DNAJB4: variants seen among roughly 807,000 people sequenced by gnomAD.
DNAJB4 encodes the protein dnaJ homolog subfamily B member 4.
Under a neutral mutation model 26.6 loss-of-function variants are expected in DNAJB4, and 10 were observed. The ratio of observed to expected loss-of-function variants is 0.38; its 90% confidence interval spans 0.23 to 0.64. The LOEUF is 0.64. Among genes scored for constraint, DNAJB4 ranks in the 30% least tolerant of loss-of-function variants. The pLI is 0.58. For synonymous variants in DNAJB4, 136 were observed against 134.8 expected (o/e 1.01, Z -0.06); for missense variants, 328 against 408.2 (o/e 0.80, Z 1.69).
At chr1:77,983,162 A>G (rs887862704) in intron 1 of DNAJB4, among the ~76,000 whole-genome samples, 2 of 152,234 alleles carry the variant, frequency 1.3e-5, no homozygotes, top group Non-Finnish European at 2.9e-5. Context: ...GACAAGGTAA[A>G]GGATTAAGTG....
chr1:77,997,795 T>C (rs1254580405), intron 1 of DNAJB4, among the ~76,000 whole-genome samples: 1 of 152,064 alleles, frequency 6.6e-6, no homozygotes, highest in Non-Finnish European at 1.5e-5. Flanking sequence ...TTTTTTTTTC[T>C]TCTTTTCTTT....
At chr1:77,987,134 A>G (rs552473325) in intron 1 of DNAJB4, among the ~76,000 whole-genome samples, 3 of 152,204 alleles carry the variant, frequency 2.0e-5, no homozygotes, top group Non-Finnish European at 4.4e-5. Flanking sequence ...GAGAGGCCCC[A>G]CTTTCCTAGT....
At position 78,013,067 on chromosome 1, in the gene DNAJB4, A is replaced by C; in HGVS notation, c.228A>C (p.Ala76=). The C allele has an allele frequency of 6.2e-7, 1 of 1,608,606 alleles. No individual in the cohort carries two copies. The highest frequency in any genetic ancestry group is 2.2e-5 in the East Asian group (1 of 44,848). ...QFGEEGLKGG[A]GGTDGQGGTF... ...TTCAATTAGGGTTGAAAGGAGGAGC[A>C]GGAGGTACTGATGGACAAGGAGGTA... The change falls in exon 2 of 3, where the codon GCA becomes GCC. Residue 76 remains alanine, a synonymous_variant. Coordinates refer to ENST00000370763, the MANE Select transcript of DNAJB4 (RefSeq NM_007034.5).
chr1:78,004,305 A>G (rs1371911352), upstream of DNAJB4: 1 of 152,264 alleles, frequency 6.6e-6, no homozygotes, highest in African/African-American at 2.4e-5. Context: ...GAACTCATGT[A>G]TACTAGAAAT....
upstream of DNAJB4, among the ~76,000 whole-genome samples, chr1:78,000,215 A>G (rs1271018303): frequency 6.6e-6 from 1 of 152,184 alleles, no homozygotes; most frequent in African/African-American, 2.4e-5. Flanking sequence ...TCCTGGAAAA[A>G]AAATTTTCAA....
At chr1:77,990,559 C>G (rs183708209) in intron 1 of DNAJB4, among the ~76,000 whole-genome samples, 2 of 152,160 alleles carry the variant, frequency 1.3e-5, no homozygotes, top group South Asian at 4.1e-4. Flanking sequence ...TCTTATGCAG[C>G]AAAACTTACC....
intron 1 of DNAJB4, among the ~76,000 whole-genome samples, chr1:77,993,674 T>C (rs887683681): frequency 6.6e-6 from 1 of 152,230 alleles, no homozygotes; most frequent in Non-Finnish European, 1.5e-5. Context: ...TTATCCTTCA[T>C]GTTACATGTA....
At position 77,990,913 on chromosome 1, in the gene DNAJB4, C is replaced by T. The variant is rs143416461; in HGVS notation, c.-32+10591C>T. On this transcript the variant is annotated intron_variant, in intron 1 of 2. Coordinates refer to the DNAJB4 transcript ENST00000426517. ...TTATTGAACAGCAATATATTGTAAACGCCTTGTTCTAGAAATAAAACAGGA... is the reference window on the plus strand; with the variant it reads ...TTATTGAACAGCAATATATTGTAAATGCCTTGTTCTAGAAATAAAACAGGA... Among the ~76,000 whole-genome samples the T allele has an allele frequency of 1.4e-3, 211 of 152,304 alleles. 1 individual carries two copies. The highest frequency in any genetic ancestry group is 5.0e-3 in the African/African-American group (207 of 41,540).
At chr1:77,980,791 C>A (rs1174904378) in intron 1 of DNAJB4, among the ~76,000 whole-genome samples, 2 of 152,160 alleles carry the variant, frequency 1.3e-5, no homozygotes, top group Non-Finnish European at 2.9e-5. Context: ...GCCATCATTT[C>A]CCTTTAATCA....
At chr1:77,979,241 G>A, upstream of DNAJB4, 1 of 496,526 alleles carries the variant, frequency 2.0e-6, no homozygotes, top group South Asian at 3.1e-5. Context: ...TTAAGTTTAA[G>A]ACTTCGCGAG....
At chr1:78,006,993 A>AT (rs1660343891) in intron 1 of DNAJB4, among the ~76,000 whole-genome samples, 1 of 152,166 alleles carries the variant, frequency 6.6e-6, no homozygotes, top group Non-Finnish European at 1.5e-5. Context: ...TAGTAAGGAT[A>AT]TTTGTCTTCA....
In DNAJB4 at chr1:78,013,265, T is replaced by C; in HGVS notation, c.426T>C (p.Tyr142=). 6.2e-7 allele frequency: 1 copy of C among 1,614,076 alleles called. No homozygotes were observed. Among genetic ancestry groups the C allele is most frequent in the Non-Finnish European group, 8.5e-7 (1 of 1,179,974 alleles). The change falls in exon 2 of 3, where the codon TAT becomes TAC. Residue 142 remains tyrosine, a synonymous_variant. Transcript: ENST00000370763. ...CCTTTGGTTTCAGCATGAATGGATATCCAAGAGACAGGAATTCTGTGGGGC... is the reference window on the plus strand; with the variant it reads ...CCTTTGGTTTCAGCATGAATGGATACCCAAGAGACAGGAATTCTGTGGGGC... ...FSAFGFSMNG[Y]PRDRNSVGPS...
chr1:77,979,510 G>A (rs1383650915), upstream of DNAJB4: 1 of 154,696 alleles, frequency 6.5e-6, no homozygotes, highest in Non-Finnish European at 1.4e-5. Flanking sequence ...ACAGTGTCTC[G>A]AGAGCGCTGC....
At chr1:77,988,656 A>G (rs1659858079) in intron 1 of DNAJB4, among the ~76,000 whole-genome samples, 1 of 152,132 alleles carries the variant, frequency 6.6e-6, no homozygotes, top group South Asian at 2.1e-4. Context: ...TTCCTTTCAG[A>G]TTGTAGTGCT....
chr1:77,979,333 A>C, upstream of DNAJB4: 1 of 298,566 alleles, frequency 3.3e-6, no homozygotes, highest in Non-Finnish European at 6.4e-6. Context: ...GGTGGGTGAT[A>C]GTGGCCAGTT....
chr1:78,013,045 A>C lies in DNAJB4; in HGVS notation c.212-6A>C. The C allele has an allele frequency of 6.3e-7, 1 of 1,577,382 alleles. No individual in the cohort carries two copies. The highest frequency in any genetic ancestry group is 1.9e-5 in the Admixed American group (1 of 52,088). ...TTTTTCTAATCATGCTTATCTCTTCAATTAGGGTTGAAAGGAGGAGCAGGA... is the reference window on the plus strand; with the variant it reads ...TTTTTCTAATCATGCTTATCTCTTCCATTAGGGTTGAAAGGAGGAGCAGGA... On this transcript the variant is annotated splice_region_variant and splice_polypyrimidine_tract_variant and intron_variant, in intron 1 of 2. Transcript: ENST00000370763.
intron 1 of DNAJB4, among the ~76,000 whole-genome samples, chr1:77,990,942 C>G (rs564859219): frequency 1.6e-4 from 24 of 152,134 alleles, no homozygotes; most frequent in African/African-American, 2.4e-5. Flanking sequence ...AACAGGACCC[C>G]GCTGGTTACA....
At chr1:77,984,265 C>G (rs1003944379) in intron 1 of DNAJB4, among the ~76,000 whole-genome samples, 2 of 152,170 alleles carry the variant, frequency 1.3e-5, no homozygotes, top group African/African-American at 2.4e-5. Flanking sequence ...GAACTACTTT[C>G]AATTGGGGTC....
At chr1:77,988,032 TC>T (rs112719953) in intron 1 of DNAJB4, among the ~76,000 whole-genome samples, 19,059 of 124,206 alleles carry the variant, frequency 0.15, 1,866 homozygotes, top group African/African-American at 0.24. Flanking sequence ...TGTGTGTATT[TC>T]CCCCCCCCCC....
Sources: gnomAD v4.1 joint callset for allele counts (sites outside exome capture counted in the v4.1 genomes callset) on GRCh38, gnomAD v4.1.1 for gene constraint, MANE v1.5 for transcripts, NCBI Gene and HGNC (gene_info 2026-07-23, HGNC 2026-07-21) for gene names.